EPS15L1: variants seen among roughly 807,000 people sequenced by gnomAD.
EPS15L1 encodes the protein epidermal growth factor receptor pathway substrate 15 like 1, also known as epidermal growth factor receptor substrate 15-like 1.
Under a neutral mutation model 117.1 loss-of-function variants are expected in EPS15L1, and 43 were observed. That is an observed-to-expected ratio of 0.37 (90% CI 0.29 to 0.47). The LOEUF (loss-of-function observed/expected upper bound fraction) is 0.47. Among genes scored for constraint, EPS15L1 ranks in the 20% least tolerant of loss-of-function variants. The pLI is 0.99. For missense variants in EPS15L1, 981 were observed against 1,164.0 expected (o/e 0.84, Z 2.29); for synonymous variants, 459 against 470.5 (o/e 0.98, Z 0.32).
intron 1 of EPS15L1, among the ~76,000 whole-genome samples, chr19:16,450,543 C>T (rs1244337773): frequency 1.4e-5 from 2 of 140,952 alleles, no homozygotes; most frequent in Non-Finnish European, 3.0e-5. Context: ...TGCAATGGTG[C>T]GATCTCGGCT....
chr19:16,469,837 T>A (rs536071551), intron 1 of EPS15L1, among the ~76,000 whole-genome samples: 4 of 152,244 alleles, frequency 2.6e-5, no homozygotes, highest in Non-Finnish European at 5.9e-5. Context: ...GCTTCCCTTT[T>A]GCCCCCAACC....
At chr19:16,444,063 C>CAAAAA (rs545605173) in intron 1 of EPS15L1, among the ~76,000 whole-genome samples, 6 of 37,558 alleles carry the variant, frequency 1.6e-4, no homozygotes, top group East Asian at 6.8e-4. Context: ...GACTCCGTCT[C>CAAAAA]AAAAAAAAAA....
chr19:16,385,998 C>A (rs1568407128), intron 20 of EPS15L1, among the ~76,000 whole-genome samples, 173 bp downstream of exon 20: 1 of 152,220 alleles, frequency 6.6e-6, no homozygotes, highest in Non-Finnish European at 1.5e-5. Flanking sequence ...GGAAGGGGAG[C>A]AGCAGCGGGT....
intron 21 of EPS15L1, 35 bp from the exon 22 acceptor site, chr19:16,377,289 G>T: frequency 6.2e-7 from 1 of 1,607,186 alleles, no homozygotes; most frequent in Non-Finnish European, 8.5e-7. Flanking sequence ...GGCAAAAATA[G>T]TTGTTAAAAC....
chr19:16,423,307 T>C (rs2092836154), intron 9 of EPS15L1, among the ~76,000 whole-genome samples: 1 of 152,216 alleles, frequency 6.6e-6, no homozygotes. Flanking sequence ...TGCTCATGCC[T>C]GTAATCTCAG....
chr19:16,358,531 C>T (rs1034371504), intron 23 of EPS15L1, among the ~76,000 whole-genome samples: 3 of 152,282 alleles, frequency 2.0e-5, no homozygotes, highest in East Asian at 3.9e-4. Flanking sequence ...ACCATGGAAC[C>T]GAGACACCGT....
chr19:16,447,394 A>T (rs987389556), intron 1 of EPS15L1, among the ~76,000 whole-genome samples: 19 of 152,216 alleles, frequency 1.2e-4, no homozygotes, highest in African/African-American at 3.1e-4. Flanking sequence ...AAAAATGAGC[A>T]AAGAGAGAGG....
chr19:16,452,162 G>A (rs1196142038), intron 1 of EPS15L1, among the ~76,000 whole-genome samples: 1 of 149,652 alleles, frequency 6.7e-6, no homozygotes, highest in Non-Finnish European at 1.5e-5. Flanking sequence ...CACACAACAG[G>A]AGGCTGGGTG....
intron 1 of EPS15L1, among the ~76,000 whole-genome samples, chr19:16,468,754 G>A (rs768028747): frequency 2.0e-5 from 3 of 152,184 alleles, no homozygotes; most frequent in Non-Finnish European, 4.4e-5. Context: ...GGCTGACACC[G>A]TAATTCCAAT....
chr19:16,450,248 G>GA (rs1260350586), intron 1 of EPS15L1, among the ~76,000 whole-genome samples: 9 of 150,506 alleles, frequency 6.0e-5, no homozygotes, highest in Admixed American at 2.6e-4. Flanking sequence ...TCTTAAAAAA[G>GA]AAAAAAAAAG....
chr19:16,361,560 A>AT, intron 23 of EPS15L1: 1 of 1,301,322 alleles, frequency 7.7e-7, no homozygotes, highest in Non-Finnish European at 9.7e-7. Flanking sequence ...ACGTGCCCTT[A>AT]TGATAGAGCA....
At chr19:16,375,015 G>A (rs1409045016) in intron 22 of EPS15L1, among the ~76,000 whole-genome samples, 1 of 152,252 alleles carries the variant, frequency 6.6e-6, no homozygotes, top group Non-Finnish European at 1.5e-5. Flanking sequence ...ATGCCCAGCT[G>A]TTATCTATGA....
At position 16,371,156 on chromosome 19, in the gene EPS15L1, C is replaced by T. The variant is rs1015944673; in HGVS notation, c.2380+5966G>A. On this transcript the variant is annotated intron_variant, in intron 22 of 23. Transcript: ENST00000455140. This position sits in a 1 kb window ranked among gnomAD's most constrained non-coding sequence, Gnocchi z 4.7. Reference sequence around the variant, plus strand: ...TGCAATCAACAAAAGGTTTTGGGACCCACATGGGCACATGATGGGGAGAGG... The same window carrying T: ...TGCAATCAACAAAAGGTTTTGGGACTCACATGGGCACATGATGGGGAGAGG... 4.6e-5 allele frequency among the ~76,000 whole-genome samples: 7 copies of T among 152,104 alleles called. No homozygotes were observed. The highest frequency in any genetic ancestry group is 1.7e-4 in the African/African-American group (7 of 41,408).
chr19:16,381,097 C>A lies in EPS15L1; in HGVS notation c.2248-3843G>T, dbSNP rs923670462. On this transcript the variant is annotated intron_variant, in intron 21 of 23. Transcript: ENST00000455140. This position sits in a 1 kb window ranked among gnomAD's most constrained non-coding sequence, Gnocchi z 4.2. ...GCCCCAAAGGCTCCTGCACAGATGA[C>A]CCCACCAGATCCCTTCCCTGGGCTT... Among the ~76,000 whole-genome samples, 5 of 152,222 alleles carry A rather than the reference C, an allele frequency of 3.3e-5. No homozygotes were observed. The highest frequency in any genetic ancestry group is 7.3e-5 in the Non-Finnish European group (5 of 68,028).
chr19:16,372,260 T>G (rs2092235307), intron 22 of EPS15L1, among the ~76,000 whole-genome samples: 1 of 152,022 alleles, frequency 6.6e-6, no homozygotes. Flanking sequence ...GGTGGAGGGG[T>G]CCACCTGTGA....
intron 10 of EPS15L1, 26 bp from the exon 11 acceptor site, chr19:16,418,130 T>A (rs2092778163): frequency 6.2e-7 from 1 of 1,602,318 alleles, no homozygotes; most frequent in Non-Finnish European, 8.5e-7. Flanking sequence ...GGATGCTAAT[T>A]ACACATCACA....
At chr19:16,412,523 C>G (rs2144887854) in intron 13 of EPS15L1, among the ~76,000 whole-genome samples, 1 of 151,894 alleles carries the variant, frequency 6.6e-6, no homozygotes, top group Admixed American at 6.5e-5. Flanking sequence ...AAAAAATCTT[C>G]ACTCTCGCCA....
chr19:16,425,450 G>A (rs1035868831), intron 8 of EPS15L1, 134 bp from the exon 9 acceptor site: 1 of 658,212 alleles, frequency 1.5e-6, no homozygotes, highest in Admixed American at 2.8e-5. Context: ...TGACCAGAGT[G>A]AAAAGAAATC....
chr19:16,425,091 G>C lies in EPS15L1; in HGVS notation c.784C>G (p.Gln262Glu). 6.2e-7 allele frequency: 1 copy of C among 1,613,934 alleles called. No individual in the cohort carries two copies. Among genetic ancestry groups the C allele is most frequent in the Non-Finnish European group, 8.5e-7 (1 of 1,179,742 alleles). ...GSLSPKHSLK[Q>E]TQPTVNWVVP... ...CGCTGAGGGCTCCGTACCTGTGTTT[G>C]CTTGAGGCTGTGCTTGGGGGACAGG... Residue 262 changes from glutamine to glutamate, a missense_variant, in exon 9 of 24, where the codon CAA becomes GAA. Physicochemically the swap from Gln to Glu is conservative, Grantham distance 29. This residue lies in a region of EPS15L1 where 819 missense variants were observed against 949.0 expected (regional missense o/e 0.86). Transcript: ENST00000455140.
Sources: allele counts gnomAD v4.1 joint callset (sites outside exome capture counted in the v4.1 genomes callset), GRCh38; gene constraint gnomAD v4.1.1; regional missense constraint gnomAD v4.1.1; non-coding constraint Gnocchi (gnomAD v3.1); transcripts MANE v1.5; gene names NCBI Gene and HGNC (gene_info 2026-07-23, HGNC 2026-07-21).